The following SLC35D4 variants were observed in gnomAD, a reference collection of about 807,000 sequenced individuals.
SLC35D4 encodes UDP-N-acetylglucosamine transporter SLC35D4.
At chr18:23,284,611 C>T in the SLC35D4 span, among the ~76,000 whole-genome samples, 1 of 152,366 alleles carries the variant, frequency 6.6e-6, no homozygotes, top group Middle Eastern at 3.4e-3. Context: ...TGTAACCCAA[C>T]TGCCTTGGGA....
At chr18:23,417,712 CA>C in the SLC35D4 span, among the ~76,000 whole-genome samples, 1 of 151,916 alleles carries the variant, frequency 6.6e-6, no homozygotes, top group African/African-American at 2.4e-5. Context: ...ACACAATAAA[CA>C]AAAAAATTTT....
the SLC35D4 span, among the ~76,000 whole-genome samples, chr18:23,355,124 A>G: frequency 6.6e-6 from 1 of 152,196 alleles, no homozygotes; most frequent in Non-Finnish European, 1.5e-5. Flanking sequence ...GCATTCCTCA[A>G]AGAGGCTGAG....
the SLC35D4 span, among the ~76,000 whole-genome samples, chr18:23,338,770 C>T: frequency 1.3e-5 from 2 of 152,272 alleles, no homozygotes; most frequent in Non-Finnish European, 2.9e-5. Context: ...CTTCTGTACC[C>T]ACAATGCGCT....
chr18:23,326,851 T>A, the SLC35D4 span, among the ~76,000 whole-genome samples: 1 of 152,138 alleles, frequency 6.6e-6, no homozygotes, highest in Admixed American at 6.5e-5. Flanking sequence ...CAACAAACTG[T>A]CTCTCAGACC....
At chr18:23,264,694 T>A in the SLC35D4 span, among the ~76,000 whole-genome samples, 2 of 151,182 alleles carry the variant, frequency 1.3e-5, no homozygotes, top group East Asian at 3.9e-4. Context: ...GTTCTCACTC[T>A]ATTGCCCAGG....
At chr18:23,397,268 C>T in the SLC35D4 span, among the ~76,000 whole-genome samples, 1 of 152,324 alleles carries the variant, frequency 6.6e-6, no homozygotes, top group Non-Finnish European at 1.5e-5. Context: ...ATAATTCCAA[C>T]CTTGTGGTCA....
chr18:23,271,968 A>T, the SLC35D4 span, among the ~76,000 whole-genome samples: 2 of 152,182 alleles, frequency 1.3e-5, no homozygotes, highest in East Asian at 3.8e-4. Flanking sequence ...CTGGCTGTTC[A>T]TCTGGATCCT....
At chr18:23,370,855 TGA>T in the SLC35D4 span, among the ~76,000 whole-genome samples, 2 of 152,094 alleles carry the variant, frequency 1.3e-5, no homozygotes, top group Non-Finnish European at 2.9e-5. Context: ...CAAGCCACAG[TGA>T]GTTAGTTCAT....
chr18:23,284,383 T>C, the SLC35D4 span, among the ~76,000 whole-genome samples: 1 of 152,226 alleles, frequency 6.6e-6, no homozygotes, highest in Non-Finnish European at 1.5e-5. Flanking sequence ...CCCCTTATCT[T>C]AATGCAAGCA....
At chr18:23,325,466 G>C in the SLC35D4 span, among the ~76,000 whole-genome samples, 8 of 152,180 alleles carry the variant, frequency 5.3e-5, no homozygotes, top group Non-Finnish European at 7.4e-5. Flanking sequence ...GAGTGTGGCC[G>C]CATGATTCCT....
chr18:23,379,520 T>A, the SLC35D4 span, among the ~76,000 whole-genome samples: 1 of 152,206 alleles, frequency 6.6e-6, no homozygotes, highest in Non-Finnish European at 1.5e-5. Context: ...CTTCCACTTC[T>A]GTGAATAGCA....
At chr18:23,365,424 AAC>A in the SLC35D4 span, among the ~76,000 whole-genome samples, 1 of 152,224 alleles carries the variant, frequency 6.6e-6, no homozygotes, top group Non-Finnish European at 1.5e-5. Flanking sequence ...ACTGGATGAA[AAC>A]ACAGACAACA....
chr18:23,255,871 G>T, the SLC35D4 span, among the ~76,000 whole-genome samples: 2 of 151,976 alleles, frequency 1.3e-5, no homozygotes, highest in Non-Finnish European at 2.9e-5. Flanking sequence ...AAGAATTAAT[G>T]AATCTTTTGA....
the SLC35D4 span, among the ~76,000 whole-genome samples, chr18:23,390,773 A>G: frequency 1.3e-5 from 2 of 152,224 alleles, no homozygotes; most frequent in Non-Finnish European, 2.9e-5. Flanking sequence ...CAATTTTTGT[A>G]AAAGAATGTC....
the SLC35D4 span, among the ~76,000 whole-genome samples, chr18:23,267,389 C>T: frequency 1.1e-4 from 17 of 152,136 alleles, no homozygotes; most frequent in Non-Finnish European, 1.6e-4. Flanking sequence ...CTCTTCTGAA[C>T]GGGCGCTTCC....
At chr18:23,259,332 G>C in the SLC35D4 span, 3 of 152,334 alleles carry the variant, frequency 2.0e-5, no homozygotes, top group Admixed American at 6.5e-5. Context: ...GGAGTGGGGT[G>C]GGGGGAGGGA....
chr18:23,375,433 A>G, the SLC35D4 span, among the ~76,000 whole-genome samples: 1 of 152,214 alleles, frequency 6.6e-6, no homozygotes, highest in South Asian at 2.1e-4. Context: ...GCATGTGTAT[A>G]CATATATACA....
At chr18:23,348,273 T>G in the SLC35D4 span, among the ~76,000 whole-genome samples, 1 of 152,232 alleles carries the variant, frequency 6.6e-6, no homozygotes, top group Non-Finnish European at 1.5e-5. Context: ...TGGAGAATAT[T>G]CCATGTGCGC....
chr18:23,298,035 A>T, the SLC35D4 span: 91 of 1,613,854 alleles, frequency 5.6e-5, no homozygotes, highest in African/African-American at 1.1e-3. Context: ...TGAGAAAACC[A>T]GCAAGGCCTC....
Sources: allele counts gnomAD v4.1 joint callset (sites outside exome capture counted in the v4.1 genomes callset), GRCh38; gene constraint gnomAD v4.1.1; transcripts MANE v1.5; gene names NCBI Gene and HGNC (gene_info 2026-07-23, HGNC 2026-07-21).